Variants in MGA observed in about 807,000 individuals in gnomAD.
MGA encodes the protein MAX dimerization protein MGA, also known as MAX gene-associated protein.
A neutral mutation model predicts 261.1 loss-of-function variants in MGA; 40 were observed. The ratio of observed to expected loss-of-function variants is 0.15; its 90% CI spans 0.12 to 0.20. The LOEUF (loss-of-function observed/expected upper bound fraction) is 0.20, where lower values mean the gene tolerates loss of function less well. MGA is among the 10% of genes least tolerant of loss of function. The probability of loss-of-function intolerance (pLI) is 1.00; values close to 1 mark genes in which losing one functional copy is unlikely to be tolerated. For synonymous variants in MGA, 1,302 were observed against 1,290.6 expected (o/e 1.01, Z -0.19); for missense variants, 3,397 against 3,630.5 (o/e 0.94, Z 1.65).
chr15:41,661,807 G>T (rs926188786), intron 1 of MGA, among the ~76,000 whole-genome samples: 6 of 152,164 alleles, frequency 3.9e-5, no homozygotes, highest in African/African-American at 1.4e-4. Flanking sequence ...CGGCGTGACG[G>T]CTGCTGGGAA....
intron 15 of MGA, among the ~76,000 whole-genome samples, chr15:41,744,203 T>TAA (rs1432998710): frequency 6.6e-6 from 1 of 151,784 alleles, no homozygotes; most frequent in African/African-American, 2.4e-5. Flanking sequence ...TGTGTGTGTA[T>TAA]ATATATATAT....
At chr15:41,746,539 C>T (rs1187353003) in intron 15 of MGA, among the ~76,000 whole-genome samples, 9 of 113,372 alleles carry the variant, frequency 7.9e-5, no homozygotes, top group Admixed American at 3.3e-4. Context: ...AGCGAGACTT[C>T]GTCTCAAAAA....
intron 23 of MGA, 60 bp from the exon 24 acceptor site, chr15:41,765,942 GAA>G: frequency 1.5e-6 from 2 of 1,346,712 alleles, no homozygotes; most frequent in Non-Finnish European, 2.1e-6. Flanking sequence ...ATGACAGAGA[GAA>G]AGAGAGGTGT....
Position 41,736,301 on chromosome 15 carries a change from A to G in MGA, c.4037A>G (p.Glu1346Gly), listed in dbSNP as rs1223351177. 6.2e-7 allele frequency: 1 copy of G among 1,614,000 alleles called. No individual in the cohort carries two copies. The highest frequency in any genetic ancestry group is 1.7e-5 in the Admixed American group (1 of 60,014). The change falls in exon 13 of 24, where the codon GAA becomes GGA. Residue 1346 changes from glutamate (E) to glycine (G), a missense_variant. Coordinates refer to ENST00000219905, the MANE Select transcript of MGA (RefSeq NM_001164273.2). ...ATCATCTCAGACTGCAACTGGGAGG[A>G]AGATCGGAACAAGATTTTGAGCATC...
chr15:41,698,843 T>A lies in MGA; in HGVS notation c.2014-20T>A. 6.7e-7 allele frequency: 1 copy of A among 1,498,508 alleles called. No homozygotes were observed. Among genetic ancestry groups the A allele is most frequent in the Non-Finnish European group, 8.9e-7 (1 of 1,123,690 alleles). 92.8% of individuals were successfully genotyped at this position (1,498,508 alleles called of 1,614,324 possible). A position where few individuals can be genotyped will look rare whatever the true frequency, so the allele number is the denominator to read the frequency against. On this transcript the variant is annotated intron_variant, in intron 3 of 23. Coordinates refer to ENST00000219905, the MANE Select transcript of MGA (RefSeq NM_001164273.2). Reference sequence around the variant, plus strand: ...CAGAAGCAATATGAACTACTATTTTTTTTTTTTTTTGATGTATAGGAAGCT... The same window carrying A: ...CAGAAGCAATATGAACTACTATTTTATTTTTTTTTTGATGTATAGGAAGCT...
intron 2 of MGA, among the ~76,000 whole-genome samples, chr15:41,690,060 A>G (rs1283748818): frequency 6.6e-6 from 1 of 152,206 alleles, no homozygotes; most frequent in East Asian, 1.9e-4. Flanking sequence ...CACCCCAGAA[A>G]GAAAACCCAT....
chr15:41,763,996 T>C (rs1274786611), intron 22 of MGA, among the ~76,000 whole-genome samples: 1 of 151,518 alleles, frequency 6.6e-6, no homozygotes, highest in Non-Finnish European at 1.5e-5. Context: ...CTGTCTCTAC[T>C]AAAAATACCA....
chr15:41,651,614 C>CCCCTCCTCTCTCCTCTT, intron 1 of MGA, among the ~76,000 whole-genome samples: 1 of 65,262 alleles, frequency 1.5e-5, no homozygotes, highest in Non-Finnish European at 3.8e-5. Context: ...TCCCTTTTCC[C>CCCCTCCTCTCTCCTCTT]CTCTCCTCTC....
intron 15 of MGA, among the ~76,000 whole-genome samples, chr15:41,744,037 A>G (rs1172179107): frequency 6.6e-6 from 1 of 152,060 alleles, no homozygotes; most frequent in Non-Finnish European, 1.5e-5. Flanking sequence ...ACTAATAGCA[A>G]TTCTGTCTTG....
At chr15:41,687,584 C>T (rs901370790) in intron 2 of MGA, among the ~76,000 whole-genome samples, 2 of 152,028 alleles carry the variant, frequency 1.3e-5, no homozygotes, top group African/African-American at 2.4e-5. Context: ...TTAAACTATT[C>T]GTTTGACTCT....
chr15:41,650,979 T>C (rs533142516), intron 1 of MGA, among the ~76,000 whole-genome samples: 1 of 152,302 alleles, frequency 6.6e-6, no homozygotes, highest in Non-Finnish European at 1.5e-5. Context: ...GAGGTTTATT[T>C]GGCTCACAGT....
intron 2 of MGA, among the ~76,000 whole-genome samples, chr15:41,680,207 C>T: frequency 6.6e-6 from 1 of 152,166 alleles, no homozygotes; most frequent in East Asian, 1.9e-4. Flanking sequence ...TACTTTGATG[C>T]ATTTCTTACT....
At chr15:41,657,503 G>C (rs748857741), upstream of MGA, among the ~76,000 whole-genome samples, 1 of 151,860 alleles carries the variant, frequency 6.6e-6, no homozygotes, top group Admixed American at 6.6e-5. Context: ...ATGGGCGCAC[G>C]CCACCATGCC....
Position 41,710,733 on chromosome 15 carries a change from G to A in MGA, c.2468G>A (p.Cys823Tyr), listed in dbSNP as rs749466429. 7 of 1,613,056 alleles carry A rather than the reference G, an allele frequency of 4.3e-6. No homozygotes were observed. The South Asian group carries it at 6.6e-5, about 15-fold the overall frequency. The change falls in exon 8 of 24, where the codon TGT (cysteine) becomes TAT (tyrosine). Residue 823 changes from cysteine to tyrosine, a missense_variant. This residue lies in a region of MGA where 519 missense variants were observed against 554.1 expected (regional missense o/e 0.94). Coordinates refer to ENST00000219905, the MANE Select transcript of MGA (RefSeq NM_001164273.2). The stretch of plus-strand genomic sequence containing the variant: ...TCACTGAAAAATCGTTCTGCTTTCT[G>A]TAGTGATAAGCTAGATGAATACTTG...
chr15:41,654,143 C>A (rs2150740307), intron 1 of MGA, among the ~76,000 whole-genome samples: 1 of 152,266 alleles, frequency 6.6e-6, no homozygotes, highest in East Asian at 1.9e-4. Context: ...GACTTATACT[C>A]CATCACAGTC....
rs560652688 is a variant in MGA, at chr15:41,684,764, A to T, written c.1065-11311A>T. On this transcript the variant is annotated intron_variant, in intron 2 of 23. Coordinates refer to ENST00000219905, the MANE Select transcript of MGA (RefSeq NM_001164273.2). ...CAAGTTATTTAAGCATTAATCTTAA[A>T]TTACTTGATATAGAATGTCATTTAT... 93 of 163,212 alleles carry T rather than the reference A, an allele frequency of 5.7e-4. 1 individual carries two copies. In the South Asian group the frequency reaches 0.015, roughly 26 times the overall value. 10.1% of individuals were successfully genotyped at this position (163,212 alleles called of 1,614,324 possible).
intron 1 of MGA, 44 bp downstream of exon 1, chr15:41,660,569 C>T (rs2057322400): frequency 6.6e-6 from 1 of 152,640 alleles, no homozygotes; most frequent in African/African-American, 2.4e-5. Flanking sequence ...AGTACTGGCC[C>T]GATTGGAGTT....
Position 41,696,301 on chromosome 15 carries a change from A to G in MGA, c.1291A>G (p.Asn431Asp). Residue 431 changes from asparagine (N) to aspartate (D), a missense_variant, in exon 3 of 24, where the codon AAT (asparagine) becomes GAT (aspartate). This residue lies in a region of MGA where 563 missense variants were observed against 563.6 expected (regional missense o/e 1.00). Transcript: ENST00000219905. ...ACTAGAGAAACAGCTAAAGAGGCAC[A>G]ATAAAGTTGACAACCCAGAAGCTGA... 6.2e-7 allele frequency: 1 copy of G among 1,613,936 alleles called. No individual in the cohort carries two copies. Among genetic ancestry groups the G allele is most frequent in the Non-Finnish European group, 8.5e-7 (1 of 1,179,884 alleles).
chr15:41,745,597 A>T lies in MGA; in HGVS notation c.5212+2425A>T, dbSNP rs192856114. Among the ~76,000 whole-genome samples the T allele has an allele frequency of 1.7e-3, 257 of 151,954 alleles. 1 individual carries two copies. The East Asian group carries it at 0.026, about 15-fold the overall frequency. ...TAAAAATGTATTTTTATTTAAAAAA[A>T]ATATATATCTATATATAGAGAGAGA... On this transcript the variant is annotated intron_variant, in intron 15 of 23. Coordinates refer to ENST00000219905, the MANE Select transcript of MGA (RefSeq NM_001164273.2).
Sources: gnomAD v4.1 joint callset for allele counts (sites outside exome capture counted in the v4.1 genomes callset) on GRCh38, gnomAD v4.1.1 for gene constraint, gnomAD v4.1.1 regional missense constraint, MANE v1.5 for transcripts, NCBI Gene and HGNC (gene_info 2026-07-23, HGNC 2026-07-21) for gene names.